MTDH: variants seen among roughly 807,000 people sequenced by gnomAD.
MTDH encodes protein LYRIC.
MTDH carries 34 observed loss-of-function variants against 72.7 expected under a neutral mutation model. That is an observed-to-expected ratio of 0.47 (90% CI 0.36 to 0.62). MTDH has a LOEUF of 0.62. Among genes scored for constraint, MTDH ranks in the 20% least tolerant of loss-of-function variants. The pLI, the probability that MTDH is intolerant of heterozygous loss-of-function variation, is 0.00. For synonymous variants in MTDH, 266 were observed against 268.9 expected, an observed-to-expected ratio of 0.99 and a Z score of 0.10; for missense variants, 677 against 699.4, an observed-to-expected ratio of 0.97 and a Z score of 0.36.
intron 2 of MTDH, among the ~76,000 whole-genome samples, chr8:97,682,907 A>G (rs946784446): frequency 2.0e-5 from 3 of 152,096 alleles, no homozygotes; most frequent in African/African-American, 7.2e-5. Context: ...CCAAAGTCAC[A>G]TAGCTAATGT....
chr8:97,711,474 C>T lies in MTDH; in HGVS notation c.1273-2188C>T, dbSNP rs1021128013. 1.6e-4 allele frequency among the ~76,000 whole-genome samples: 25 copies of T among 151,828 alleles called. 1 individual carries two copies. The South Asian group carries it at 1.9e-3, about 11-fold the overall frequency. On this transcript the variant is annotated intron_variant, in intron 8 of 11. Coordinates refer to ENST00000336273, the MANE Select transcript of MTDH (RefSeq NM_178812.4). ...TCCAGCCTGAGCAACAGAGCGAGAC[C>T]CTGTCTTGAAAAAAACAAAACAAAC...
chr8:97,661,064 C>G lies in MTDH; in HGVS notation c.382-8C>G. On this transcript the variant is annotated splice_region_variant and splice_polypyrimidine_tract_variant and intron_variant, in intron 1 of 11. Transcript: ENST00000336273. ...TTGATAATATGATACTTTTTGTTGC[C>G]TGTGCAGCCAAATGGGCGGACTGTT... 6.2e-7 allele frequency: 1 copy of G among 1,610,382 alleles called. No homozygotes were observed. The highest frequency in any genetic ancestry group is 8.5e-7 in the Non-Finnish European group (1 of 1,177,646).
At chr8:97,714,563 C>G (rs995538561) in intron 9 of MTDH, among the ~76,000 whole-genome samples, 2 of 151,268 alleles carry the variant, frequency 1.3e-5, no homozygotes, top group Non-Finnish European at 1.5e-5. Flanking sequence ...AAAAATCACA[C>G]TACTGTACTC....
At chr8:97,724,577 G>T (rs756461891) in intron 11 of MTDH, 23 bp from the exon 12 acceptor site, 8 of 1,551,754 alleles carry the variant, frequency 5.2e-6, no homozygotes, top group Admixed American at 2.2e-5. Flanking sequence ...TTTTTTCTTC[G>T]TTTTCCCCCT....
intron 8 of MTDH, among the ~76,000 whole-genome samples, chr8:97,706,993 C>G (rs1023585342): frequency 6.6e-6 from 1 of 151,824 alleles, no homozygotes; most frequent in Non-Finnish European, 1.5e-5. Flanking sequence ...CTCAGGGAGA[C>G]AATAATAGCA....
chr8:97,685,727 T>A (rs1335178932), intron 2 of MTDH, among the ~76,000 whole-genome samples: 1 of 150,064 alleles, frequency 6.7e-6, no homozygotes, highest in Non-Finnish European at 1.5e-5. Context: ...GCCACTGCAC[T>A]CCAGCCTGGG....
chr8:97,663,661 A>G (rs957252955), intron 2 of MTDH, among the ~76,000 whole-genome samples: 9 of 145,018 alleles, frequency 6.2e-5, no homozygotes, highest in African/African-American at 2.4e-4. Flanking sequence ...AGGCAGGAGA[A>G]TGGCGTGAAT....
intron 2 of MTDH, among the ~76,000 whole-genome samples, chr8:97,662,776 ACT>A (rs929831910): frequency 6.7e-5 from 10 of 148,496 alleles, no homozygotes; most frequent in Middle Eastern, 3.2e-3. Flanking sequence ...AAAGAGCGAG[ACT>A]CTGTCAAAAA....
chr8:97,700,865 A>C (rs1012263559), intron 7 of MTDH, among the ~76,000 whole-genome samples: 2 of 152,126 alleles, frequency 1.3e-5, no homozygotes, highest in African/African-American at 4.8e-5. Context: ...CTTGGTGATG[A>C]TAGTAATCAT....
intron 1 of MTDH, among the ~76,000 whole-genome samples, chr8:97,659,906 C>T (rs923110829): frequency 2.0e-5 from 3 of 152,174 alleles, no homozygotes; most frequent in Admixed American, 6.5e-5. Context: ...CGCCTGTAAT[C>T]CCAGCACTTT....
intron 2 of MTDH, among the ~76,000 whole-genome samples, chr8:97,682,834 A>G (rs1030779648): frequency 1.3e-5 from 2 of 151,812 alleles, no homozygotes; most frequent in African/African-American, 2.4e-5. Context: ...ATAACCTTAT[A>G]TGAGGTTAGT....
At chr8:97,701,574 T>G (rs1045472037) in intron 7 of MTDH, among the ~76,000 whole-genome samples, 1 of 152,186 alleles carries the variant, frequency 6.6e-6, no homozygotes, top group Non-Finnish European at 1.5e-5. Flanking sequence ...GAAAGCACTA[T>G]TTTTGGGGAA....
At chr8:97,705,983 TAATA>T (rs925352418) in intron 7 of MTDH, among the ~76,000 whole-genome samples, 2 of 152,242 alleles carry the variant, frequency 1.3e-5, no homozygotes, top group African/African-American at 2.4e-5. Context: ...TTATTTTTGA[TAATA>T]AATGATGATT....
intron 6 of MTDH, among the ~76,000 whole-genome samples, chr8:97,697,150 A>ATTTTTTT (rs59102217): frequency 4.9e-4 from 34 of 68,736 alleles, no homozygotes; most frequent in African/African-American, 1.9e-3. Context: ...ATATATATAT[A>ATTTTTTT]TTTTTTTTTT....
At chr8:97,694,226 T>C (rs1437675019) in intron 6 of MTDH, among the ~76,000 whole-genome samples, 1 of 151,930 alleles carries the variant, frequency 6.6e-6, no homozygotes, top group African/African-American at 2.4e-5. Context: ...AGATGGAGTT[T>C]TGCCCTTGTT....
intron 6 of MTDH, among the ~76,000 whole-genome samples, chr8:97,695,755 G>A (rs1813811757): frequency 1.3e-5 from 2 of 152,164 alleles, no homozygotes; most frequent in Non-Finnish European, 2.9e-5. Context: ...TAGCTTTTAT[G>A]GACATTCAGG....
intron 1 of MTDH, among the ~76,000 whole-genome samples, chr8:97,657,000 T>G (rs565233553): frequency 3.3e-5 from 5 of 151,638 alleles, no homozygotes; most frequent in Non-Finnish European, 7.4e-5. Flanking sequence ...AAAAAAGTTA[T>G]GGAATTGTAT....
chr8:97,654,249 T>G (rs1440316988), intron 1 of MTDH, among the ~76,000 whole-genome samples: 3 of 152,356 alleles, frequency 2.0e-5, no homozygotes, highest in Non-Finnish European at 4.4e-5. Flanking sequence ...GGGGTTGAAC[T>G]GTGTCTAAAG....
At chr8:97,675,207 AG>A (rs1234424805) in intron 2 of MTDH, among the ~76,000 whole-genome samples, 9 of 152,272 alleles carry the variant, frequency 5.9e-5, no homozygotes, top group African/African-American at 2.2e-4. Context: ...TAAAGATGTC[AG>A]TTCACCAAAT....
Sources: gnomAD v4.1 joint callset for allele counts (sites outside exome capture counted in the v4.1 genomes callset) on GRCh38, gnomAD v4.1.1 for gene constraint, MANE v1.5 for transcripts, NCBI Gene and HGNC (gene_info 2026-07-23, HGNC 2026-07-21) for gene names.